Variants in SLC35F5 observed in about 807,000 individuals in gnomAD.
The protein encoded by SLC35F5 is HCV NS5A-transactivated protein 3.
In SLC35F5, 54 loss-of-function variants were observed where a neutral mutation model predicts 68.6. That is an observed-to-expected ratio of 0.79 (90% confidence interval 0.63 to 0.99). The LOEUF is 0.99. SLC35F5 is among the 50% of genes least tolerant of loss of function. The probability of loss-of-function intolerance (pLI) is 0.00; values close to 1 mark genes in which losing one functional copy is unlikely to be tolerated. For missense variants in SLC35F5, 567 were observed against 626.9 expected, an observed-to-expected ratio of 0.90 and a Z score of 1.02; for synonymous variants, 211 against 205.2, an observed-to-expected ratio of 1.03 and a Z score of -0.24.
chr2:113,705,967 C>T (rs1264763749), downstream of SLC35F5, among the ~76,000 whole-genome samples: 1 of 152,148 alleles, frequency 6.6e-6, no homozygotes, highest in East Asian at 1.9e-4. Context: ...AAATACTAGT[C>T]CAGGGCAGGT....
intron 4 of SLC35F5, among the ~76,000 whole-genome samples, chr2:113,750,135 T>A (rs192627156): frequency 9.2e-5 from 14 of 152,340 alleles, no homozygotes; most frequent in Non-Finnish European, 1.0e-4. Context: ...TTCTTCTTAT[T>A]CCTTACTTTC....
intron 3 of SLC35F5, 36 bp from the exon 4 acceptor site, chr2:113,750,604 T>G: frequency 3.2e-6 from 5 of 1,569,834 alleles, no homozygotes; most frequent in Non-Finnish European, 4.3e-6. Context: ...AACTCTGAGA[T>G]GACCTTAAAC....
At position 113,750,577 on chromosome 2, in the gene SLC35F5, GA is replaced by G; in HGVS notation, c.274-10del. 1.9e-6 allele frequency: 3 copies of G among 1,592,978 alleles called. No homozygotes were observed. The highest frequency in any genetic ancestry group is 1.8e-5 in the Admixed American group (1 of 55,702). Reference sequence around the variant, plus strand: ...TACTGGGTAAAAACATACTGTAGAGGAAAAAGTTACACAGACAACTCTGAGA... The same window carrying G: ...TACTGGGTAAAAACATACTGTAGAGGAAAAGTTACACAGACAACTCTGAGA... On this transcript the variant is annotated splice_polypyrimidine_tract_variant and intron_variant, in intron 3 of 15. Coordinates refer to ENST00000245680, the MANE Select transcript of SLC35F5 (RefSeq NM_025181.5).
intron 7 of SLC35F5, among the ~76,000 whole-genome samples, chr2:113,739,964 C>T (rs745624565): frequency 1.3e-5 from 2 of 152,174 alleles, no homozygotes; most frequent in Non-Finnish European, 2.9e-5. Flanking sequence ...ATATTTACGA[C>T]TCATTAAGTG....
chr2:113,750,389 C>G (rs1574270449), intron 4 of SLC35F5, 36 bp downstream of exon 4: 1 of 1,535,586 alleles, frequency 6.5e-7, no homozygotes, highest in Non-Finnish European at 8.8e-7. Flanking sequence ...GTATCTATAC[C>G]CCCTTCCTAA....
chr2:113,724,925 AAAAT>A lies in SLC35F5; in HGVS notation c.1250+449_1250+452del, dbSNP rs542819549. Among the ~76,000 whole-genome samples, 141 of 152,290 alleles carry A rather than the reference AAAAT, an allele frequency of 9.3e-4. 1 individual carries two copies. Among genetic ancestry groups the A allele is most frequent in the African/African-American group, 3.3e-3 (137 of 41,590 alleles). Reference sequence around the variant, plus strand: ...TGGCTCACCCATATGAAAGGTTCTGAAAATAAATAAAACAAAAACACCTATGAAC... The same window carrying A: ...TGGCTCACCCATATGAAAGGTTCTGAAAATAAAACAAAAACACCTATGAAC... On this transcript the variant is annotated intron_variant, in intron 12 of 15. Coordinates refer to ENST00000245680, the MANE Select transcript of SLC35F5 (RefSeq NM_025181.5).
chr2:113,745,646 G>A (rs1559356542), intron 5 of SLC35F5, among the ~76,000 whole-genome samples: 1 of 151,684 alleles, frequency 6.6e-6, no homozygotes, highest in Non-Finnish European at 1.5e-5. Flanking sequence ...CTCCACCAGA[G>A]GCAATAGACC....
At position 113,707,591 on chromosome 2, in the gene SLC35F5, G is replaced by A. The variant is rs1227704456; in HGVS notation, c.*7627C>T. ...TCTTATTTTTTTGAAACAGGGTCTC[G>A]CTCTGTCACCCAGGCTGGAGTGCAG... On this transcript the variant is annotated 3_prime_UTR_variant, in exon 16 of 16. Coordinates refer to ENST00000245680, the MANE Select transcript of SLC35F5 (RefSeq NM_025181.5). Among the ~76,000 whole-genome samples, 5 of 151,968 alleles carry A rather than the reference G, an allele frequency of 3.3e-5. No individual in the cohort carries two copies. The highest frequency in any genetic ancestry group is 1.2e-4 in the African/African-American group (5 of 41,364).
intron 13 of SLC35F5, chr2:113,719,742 A>C (rs1687351990): frequency 6.5e-6 from 1 of 155,028 alleles, no homozygotes; most frequent in African/African-American, 2.4e-5. Context: ...AAAAAGTTAC[A>C]GTTGTAGTAT....
intron 13 of SLC35F5, among the ~76,000 whole-genome samples, chr2:113,722,562 T>C (rs139963206): frequency 6.6e-6 from 1 of 152,368 alleles, no homozygotes; most frequent in Non-Finnish European, 1.5e-5. Context: ...TCTTCCCTTC[T>C]AGGCTGCTGG....
At position 113,735,977 on chromosome 2, in the gene SLC35F5, A is replaced by C. The variant is rs915448776; in HGVS notation, c.751-119T>G. 1.1e-5 allele frequency: 7 copies of C among 610,430 alleles called. No individual in the cohort carries two copies. The African/African-American group carries it at 1.3e-4, about 11-fold the overall frequency. 37.8% of individuals were successfully genotyped at this position (610,430 alleles called of 1,614,324 possible). On this transcript the variant is annotated intron_variant, in intron 7 of 15. Coordinates refer to ENST00000245680, the MANE Select transcript of SLC35F5 (RefSeq NM_025181.5). The stretch of plus-strand genomic sequence containing the variant: ...ATACCGTTCTCACAAGATGTTTTAA[A>C]AGCTGCTTTGTATTGAAAAAATCAC...
At chr2:113,752,866 A>G (rs1676800699) in intron 3 of SLC35F5, among the ~76,000 whole-genome samples, 2 of 152,222 alleles carry the variant, frequency 1.3e-5, no homozygotes, top group African/African-American at 4.8e-5. Flanking sequence ...TAACTATGTT[A>G]ATGGCATAGT....
chr2:113,704,551 C>T (rs1395269717), downstream of SLC35F5, among the ~76,000 whole-genome samples: 4 of 152,140 alleles, frequency 2.6e-5, no homozygotes, highest in African/African-American at 7.2e-5. Flanking sequence ...CCCTGCCCCG[C>T]GGGGAGGCAG....
intron 7 of SLC35F5, among the ~76,000 whole-genome samples, chr2:113,740,306 G>A (rs186079489): frequency 3.3e-5 from 5 of 152,264 alleles, no homozygotes; most frequent in Non-Finnish European, 7.4e-5. Flanking sequence ...AGGCAGAAAG[G>A]CAGGGAGGCA....
At chr2:113,742,649 C>G in intron 7 of SLC35F5, 43 bp downstream of exon 7, 1 of 1,591,676 alleles carries the variant, frequency 6.3e-7, no homozygotes, top group Non-Finnish European at 8.6e-7. Context: ...TCTTAAAATT[C>G]AAGTTTCAAA....
chr2:113,739,543 T>C (rs1346244842), intron 7 of SLC35F5, among the ~76,000 whole-genome samples: 1 of 152,168 alleles, frequency 6.6e-6, no homozygotes, highest in East Asian at 1.9e-4. Context: ...AAGAAAATCT[T>C]TGGGATTTGT....
At chr2:113,739,101 T>C (rs1324415374) in intron 7 of SLC35F5, among the ~76,000 whole-genome samples, 1 of 152,170 alleles carries the variant, frequency 6.6e-6, no homozygotes, top group Non-Finnish European at 1.5e-5. Context: ...CTTATCATTC[T>C]ATTAAGCTAG....
intron 12 of SLC35F5, among the ~76,000 whole-genome samples, chr2:113,723,578 C>T (rs1391128980): frequency 6.6e-6 from 1 of 152,102 alleles, no homozygotes; most frequent in East Asian, 1.9e-4. Flanking sequence ...CAGGACAATA[C>T]TTCACACATA....
chr2:113,744,878 T>G (rs1676426146), intron 5 of SLC35F5, among the ~76,000 whole-genome samples: 1 of 152,222 alleles, frequency 6.6e-6, no homozygotes, highest in East Asian at 1.9e-4. Context: ...TTTAGGTAGT[T>G]ATAAATTCCT....
Sources: allele counts gnomAD v4.1 joint callset (sites outside exome capture counted in the v4.1 genomes callset), GRCh38; gene constraint gnomAD v4.1.1; transcripts MANE v1.5; gene names NCBI Gene and HGNC (gene_info 2026-07-23, HGNC 2026-07-21).